Variants in SNCAIP observed in about 807,000 individuals in gnomAD.
SNCAIP encodes the protein synuclein alpha interacting protein.
SNCAIP carries 43 observed loss-of-function variants against 86.7 expected under a neutral mutation model. The observed-to-expected ratio is 0.50, with a 90% CI of 0.39 to 0.64. The LOEUF (loss-of-function observed/expected upper bound fraction) is 0.64, where lower values mean the gene tolerates loss of function less well. Ranked by LOEUF, SNCAIP falls within the 30% of genes least tolerant of loss-of-function variation. SNCAIP has a pLI of 0.00. For missense variants in SNCAIP, 981 were observed against 1,103.1 expected, an observed-to-expected ratio of 0.89 and a Z score of 1.57; for synonymous variants, 417 against 427.2, an observed-to-expected ratio of 0.98 and a Z score of 0.29.
At position 122,391,165 on chromosome 5, in the gene SNCAIP, G is replaced by A. The variant is rs766744242; in HGVS notation, c.31G>A (p.Glu11Lys). The A allele has an allele frequency of 6.2e-7, 1 of 1,611,352 alleles. No individual in the cohort carries two copies. Among genetic ancestry groups the A allele is most frequent in the Non-Finnish European group, 8.5e-7 (1 of 1,177,526 alleles). The change falls in exon 2 of 11, where the codon GAA (glutamate) becomes AAA (lysine). Residue 11 changes from glutamate to lysine, a missense_variant. Transcript: ENST00000261368. ...AGCCCCTGAATACCTTGATTTGGAT[G>A]AAATTGACTTTAGTGATGACATATC... The part of the protein sequence containing the change: MEAPEYLDLD[E>K]IDFSDDISYS...
At chr5:122,365,544 T>G (rs1028826536) in intron 1 of SNCAIP, among the ~76,000 whole-genome samples, 1 of 152,178 alleles carries the variant, frequency 6.6e-6, no homozygotes, top group Non-Finnish European at 1.5e-5. Context: ...CTGGGCGTGG[T>G]GACGCATGCC....
chr5:122,416,774 C>G (rs1273616870), intron 3 of SNCAIP, among the ~76,000 whole-genome samples: 1 of 152,176 alleles, frequency 6.6e-6, no homozygotes, highest in Non-Finnish European at 1.5e-5. Context: ...CTGACTCTAG[C>G]ATTAATACTC....
chr5:122,414,389 C>T (rs531693821), intron 3 of SNCAIP, among the ~76,000 whole-genome samples: 78 of 152,050 alleles, frequency 5.1e-4, no homozygotes, highest in Non-Finnish European at 9.4e-4. Flanking sequence ...CACCACCATG[C>T]CTGGCTAATT....
chr5:122,398,164 A>T (rs970019454), intron 2 of SNCAIP, among the ~76,000 whole-genome samples: 10 of 152,180 alleles, frequency 6.6e-5, no homozygotes, highest in African/African-American at 2.2e-4. Context: ...TCAGTCAAGG[A>T]GGCAGTGTCT....
rs763264876 is a variant in SNCAIP at position 122,422,879 on chromosome 5, A to T, written c.142A>T (p.Ser48Cys). 1.2e-6 allele frequency: 2 copies of T among 1,613,868 alleles called. No individual in the cohort carries two copies. Among genetic ancestry groups the T allele is most frequent in the South Asian group, 2.2e-5 (2 of 91,058 alleles). Residue 48 changes from serine (S) to cysteine (C), a missense_variant, in exon 4 of 11, where the codon AGC (serine) becomes TGC (cysteine). Coordinates refer to ENST00000261368, the MANE Select transcript of SNCAIP (RefSeq NM_005460.4). ...QNEDRSVSSS[S>C]WNCGISTLIT... Reference sequence around the variant, plus strand: ...TTTTTTAAAAACAGTTTCTAGCTCTAGCTGGAATTGTGGCATCTCAACTCT... The same window carrying T: ...TTTTTTAAAAACAGTTTCTAGCTCTTGCTGGAATTGTGGCATCTCAACTCT...
chr5:122,341,402 A>G (rs746327113), intron 1 of SNCAIP, among the ~76,000 whole-genome samples: 7 of 152,236 alleles, frequency 4.6e-5, no homozygotes, highest in Non-Finnish European at 2.9e-5. Flanking sequence ...AAATATAAAA[A>G]TCAACATTAT....
At chr5:122,361,974 CA>C (rs1306372343) in intron 1 of SNCAIP, among the ~76,000 whole-genome samples, 1 of 152,132 alleles carries the variant, frequency 6.6e-6, no homozygotes, top group Non-Finnish European at 1.5e-5. Context: ...GACAAGAAAA[CA>C]GAAAGAAATA....
At chr5:122,460,759 T>C (rs1331007344) in intron 10 of SNCAIP, among the ~76,000 whole-genome samples, 2 of 152,224 alleles carry the variant, frequency 1.3e-5, no homozygotes, top group Non-Finnish European at 2.9e-5. Flanking sequence ...GGTTTCTTAA[T>C]TTACAATGCG....
intron 8 of SNCAIP, among the ~76,000 whole-genome samples, chr5:122,447,532 G>T (rs1396598715): frequency 6.6e-6 from 1 of 152,142 alleles, no homozygotes; most frequent in Non-Finnish European, 1.5e-5. Context: ...TTCACTTAAA[G>T]ACACATAATA....
At chr5:122,312,798 A>C (rs571829324) in intron 1 of SNCAIP, 1 of 152,656 alleles carries the variant, frequency 6.6e-6, no homozygotes, top group Admixed American at 6.5e-5. Flanking sequence ...TGCCCTGTCC[A>C]GCCCGGGCTC....
intron 10 of SNCAIP, among the ~76,000 whole-genome samples, chr5:122,455,578 G>A (rs529880737): frequency 6.6e-6 from 1 of 152,100 alleles, no homozygotes; most frequent in Non-Finnish European, 1.5e-5. Flanking sequence ...GCCTCTACAT[G>A]GCCCTATCAG....
chr5:122,375,269 A>G (rs1765060585), intron 1 of SNCAIP, among the ~76,000 whole-genome samples: 1 of 152,066 alleles, frequency 6.6e-6, no homozygotes, highest in African/African-American at 2.4e-5. Context: ...AACCTTCATA[A>G]TAATTTGATC....
chr5:122,352,463 T>A (rs1318657342), intron 1 of SNCAIP, among the ~76,000 whole-genome samples: 1 of 152,182 alleles, frequency 6.6e-6, no homozygotes, highest in Non-Finnish European at 1.5e-5. Context: ...GTGCTTAGTA[T>A]GAACCTTTTG....
intron 3 of SNCAIP, among the ~76,000 whole-genome samples, chr5:122,414,590 T>C (rs1774903933): frequency 6.6e-6 from 1 of 152,150 alleles, no homozygotes; most frequent in South Asian, 2.1e-4. Flanking sequence ...GTTACCAAAA[T>C]TTAGACAGAC....
intron 6 of SNCAIP, among the ~76,000 whole-genome samples, chr5:122,439,390 T>C (rs1581263060): frequency 6.6e-6 from 1 of 152,336 alleles, no homozygotes; most frequent in East Asian, 1.9e-4. Flanking sequence ...AGGCATAGAT[T>C]ACATTGTTCT....
At chr5:122,334,027 A>T (rs1476543864) in intron 1 of SNCAIP, among the ~76,000 whole-genome samples, 2 of 152,174 alleles carry the variant, frequency 1.3e-5, no homozygotes, top group Non-Finnish European at 2.9e-5. Context: ...TGAAGAAGAG[A>T]GAGGTGAATC....
At chr5:122,322,719 C>T (rs1016418346) in intron 1 of SNCAIP, among the ~76,000 whole-genome samples, 8 of 152,148 alleles carry the variant, frequency 5.3e-5, no homozygotes, top group African/African-American at 1.9e-4. Context: ...AGGTAGCTTG[C>T]CAATAATTCC....
intron 1 of SNCAIP, among the ~76,000 whole-genome samples, chr5:122,344,865 C>T (rs888592903): frequency 6.6e-6 from 1 of 152,104 alleles, no homozygotes; most frequent in African/African-American, 2.4e-5. Context: ...TGCCATTATC[C>T]TCAATAATTT....
At chr5:122,443,443 T>C (rs958009517) in intron 7 of SNCAIP, 1 of 307,792 alleles carries the variant, frequency 3.2e-6, no homozygotes, top group African/African-American at 2.2e-5. Context: ...TTTCTCTCTC[T>C]CCACAACTAA....
Sources: allele counts gnomAD v4.1 joint callset (sites outside exome capture counted in the v4.1 genomes callset), GRCh38; gene constraint gnomAD v4.1.1; transcripts MANE v1.5; gene names NCBI Gene and HGNC (gene_info 2026-07-23, HGNC 2026-07-21).